The following SBNO1 variants were observed in gnomAD, a reference collection of about 807,000 sequenced individuals.
The protein encoded by SBNO1 is protein strawberry notch homolog 1.
SBNO1 carries 23 observed loss-of-function variants against 173.6 expected under a neutral mutation model. The ratio of observed to expected loss-of-function variants is 0.13; its 90% CI spans 0.10 to 0.19. SBNO1 has a LOEUF of 0.19. SBNO1 is among the 10% of genes least tolerant of loss of function. The probability of loss-of-function intolerance (pLI) is 1.00; values close to 1 mark genes in which losing one functional copy is unlikely to be tolerated. For synonymous variants in SBNO1, 632 were observed against 571.5 expected, an observed-to-expected ratio of 1.11 and a Z score of -1.51; for missense variants, 1,238 against 1,671.2, an observed-to-expected ratio of 0.74 and a Z score of 4.52.
chr12:123,348,184 T>A (rs762631808), intron 2 of SBNO1, 51 bp from the exon 3 acceptor site: 3 of 1,029,312 alleles, frequency 2.9e-6, no homozygotes, highest in Non-Finnish European at 3.0e-6. Flanking sequence ...CAGTAAATTC[T>A]GTTTCAAGGA....
rs1869152167 is a variant in SBNO1 at position 123,315,408 on chromosome 12, A to G, written c.3085T>C (p.Ser1029Pro). Residue 1029 changes from serine to proline, a missense_variant, in exon 23 of 32, where the codon TCT becomes CCT. Ser to Pro is a moderately conservative substitution (Grantham distance 74). Coordinates refer to ENST00000602398, the MANE Select transcript of SBNO1 (RefSeq NM_001167856.3). ...LTHGDRRATE[S>P]RDLSRFNFDN... is the part of the protein sequence containing the mutation. ...AAGTTGAACCTGCTCAGATCTCTAG[A>G]TTCTGTTGCCCTTCTATCACCATGT... The G allele has an allele frequency of 6.2e-7, 1 of 1,613,262 alleles. No homozygotes were observed. Among genetic ancestry groups the G allele is most frequent in the Admixed American group, 1.7e-5 (1 of 60,004 alleles).
At chr12:123,362,997 C>T (rs1393206803) in intron 1 of SBNO1, among the ~76,000 whole-genome samples, 1 of 152,000 alleles carries the variant, frequency 6.6e-6, no homozygotes, top group Non-Finnish European at 1.5e-5. Flanking sequence ...TGAAGTGGGA[C>T]GATCGCTTGA....
chr12:123,294,634 C>CATAAAAAAAAAAAAAAAAAAAAAAAAAA lies in SBNO1; in HGVS notation c.*1273_*1274insTTTTTTTTTTTTTTTTTTTTTTTTTTAT, dbSNP rs2048559869. The CATAAAAAAAAAAAAAAAAAAAAAAAAAA allele has an allele frequency of 1.7e-5, 1 of 59,958 alleles. No individual in the cohort carries two copies. The highest frequency in any genetic ancestry group is 8.2e-5 in the African/African-American group (1 of 12,268). The allele number at this position is 59,958 out of a possible 1,614,324, so 3.7% of individuals were successfully genotyped here. On this transcript the variant is annotated 3_prime_UTR_variant, in exon 32 of 32. Transcript: ENST00000602398. ...TTTTCAATAGTGCAACCTGTGGAAGCAAAAAAAAAAAAAAAAAAAAAAAAA... is the reference window on the plus strand; with the variant it reads ...TTTTCAATAGTGCAACCTGTGGAAGCATAAAAAAAAAAAAAAAAAAAAAAAAAAAAAAAAAAAAAAAAAAAAAAAAAAA...
chr12:123,327,781 C>CAT lies in SBNO1; in HGVS notation c.1462_1463dup (p.Met488IlefsTer2). 1 of 1,613,854 alleles carries CAT rather than the reference C, an allele frequency of 6.2e-7. No individual in the cohort carries two copies. Among genetic ancestry groups the CAT allele is most frequent in the Non-Finnish European group, 8.5e-7 (1 of 1,179,924 alleles). ...CCTCACCCCATATGCCAAGACGGTT[C>CAT]ATATAGGCCATGTTGCGTGGTTCAG... On this transcript the variant is annotated frameshift_variant, in exon 12 of 32. Transcript: ENST00000602398. LOFTEE classifies it high-confidence loss of function.
At position 123,295,857 on chromosome 12, in the gene SBNO1, A is replaced by ATATG; in HGVS notation, c.*47_*50dup. 6.3e-7 allele frequency: 1 copy of ATATG among 1,584,494 alleles called. No individual in the cohort carries two copies. The highest frequency in any genetic ancestry group is 1.4e-5 in the African/African-American group (1 of 73,988). On this transcript the variant is annotated 3_prime_UTR_variant, in exon 32 of 32. Transcript: ENST00000602398. ...ACTGTCCCTGATTTTTATGCAAATGATATGCTTCAACAGCATTTCAGATCC... is the reference window on the plus strand; with the variant it reads ...ACTGTCCCTGATTTTTATGCAAATGATATGTATGCTTCAACAGCATTTCAGATCC...
At chr12:123,339,248 G>C (rs909160390) in intron 5 of SBNO1, among the ~76,000 whole-genome samples, 1 of 151,874 alleles carries the variant, frequency 6.6e-6, no homozygotes, top group African/African-American at 2.4e-5. Context: ...TTTTGGTATC[G>C]TTATGTACAG....
chr12:123,309,183 T>C (rs1470676422), intron 28 of SBNO1, 127 bp downstream of exon 28: 7 of 690,724 alleles, frequency 1.0e-5, no homozygotes, highest in South Asian at 1.8e-5. Flanking sequence ...ACAATTACAA[T>C]GATAAATTAC....
chr12:123,311,257 C>T, intron 24 of SBNO1, 128 bp from the exon 25 acceptor site: 1 of 671,602 alleles, frequency 1.5e-6, no homozygotes, highest in South Asian at 1.8e-5. Flanking sequence ...TTTATATAAA[C>T]ATGGAGAAAA....
rs1874793378 is a variant in SBNO1 at position 123,358,935 on chromosome 12, GGTTTT to G, written c.-1+5761_-1+5765del. The stretch of plus-strand genomic sequence containing the variant: ...GGTGTCAAATCAATTTGGTGTATCA[GGTTTT>G]GTTTTGTTTTGAGATGGACTCTTGC... On this transcript the variant is annotated intron_variant, in intron 1 of 31. Coordinates refer to ENST00000602398, the MANE Select transcript of SBNO1 (RefSeq NM_001167856.3). Among the ~76,000 whole-genome samples, 7 of 151,670 alleles carry G rather than the reference GGTTTT, an allele frequency of 4.6e-5. No homozygotes were observed. The South Asian group carries it at 1.3e-3, about 27-fold the overall frequency.
chr12:123,330,016 A>G (rs550003953), intron 9 of SBNO1, among the ~76,000 whole-genome samples: 6 of 152,344 alleles, frequency 3.9e-5, no homozygotes, highest in South Asian at 2.1e-4. Flanking sequence ...TGCCCAAGCC[A>G]TAACTATCTA....
intron 28 of SBNO1, 82 bp downstream of exon 28, chr12:123,309,228 G>T: frequency 1.0e-6 from 1 of 987,526 alleles, no homozygotes; most frequent in Non-Finnish European, 1.6e-6. Flanking sequence ...CTGGGAAACA[G>T]GTACAAAGTG....
chr12:123,348,846 G>C (rs1007371364), intron 2 of SBNO1, among the ~76,000 whole-genome samples: 2 of 151,902 alleles, frequency 1.3e-5, no homozygotes, highest in African/African-American at 4.8e-5. Context: ...TGTAATCCCA[G>C]CTACTCGGGA....
intron 8 of SBNO1, 86 bp from the exon 9 acceptor site, chr12:123,330,595 CACTTA>C (rs1871096469): frequency 4.0e-6 from 2 of 497,002 alleles, no homozygotes; most frequent in South Asian, 4.7e-5. Context: ...CAGGTCTTGA[CACTTA>C]AAAAAAAAAA....
intron 20 of SBNO1, among the ~76,000 whole-genome samples, chr12:123,318,810 G>A (rs1293623429): frequency 6.6e-6 from 1 of 151,380 alleles, no homozygotes; most frequent in Non-Finnish European, 1.5e-5. Flanking sequence ...AATGTAATCT[G>A]TAAGCCATTT....
rs894382643 is a variant in SBNO1 at position 123,298,050 on chromosome 12, C to T, written c.3967G>A (p.Ala1323Thr). Residue 1323 changes from alanine to threonine, a missense_variant, in exon 31 of 32, where the codon GCA becomes ACA. Transcript: ENST00000602398. ...TTCACGTTTGTGCCACTGACAGATG[C>T]TAGAACACCCTCAACTTTTGTCCAG... Reference protein sequence around the residue: ...SVWTKVEGVLASVSGTNVKMQ... With the variant: ...SVWTKVEGVLTSVSGTNVKMQ... 1 of 1,614,016 alleles carries T rather than the reference C, an allele frequency of 6.2e-7. No homozygotes were observed. Among genetic ancestry groups the T allele is most frequent in the South Asian group, 1.1e-5 (1 of 91,048 alleles).
At chr12:123,323,937 C>T (rs1160914583) in intron 15 of SBNO1, 106 bp from the exon 16 acceptor site, 33 of 822,158 alleles carry the variant, frequency 4.0e-5, no homozygotes, top group Non-Finnish European at 5.5e-5. Context: ...TTACAAAATA[C>T]TGATAAACGA....
chr12:123,311,991 T>C (rs150097391), intron 24 of SBNO1, among the ~76,000 whole-genome samples: 252 of 146,726 alleles, frequency 1.7e-3, no homozygotes, highest in African/African-American at 6.2e-3. Flanking sequence ...CCACCTGCCT[T>C]GGCCTCCCAA....
At chr12:123,347,295 C>T (rs1049963572) in intron 3 of SBNO1, among the ~76,000 whole-genome samples, 3 of 151,670 alleles carry the variant, frequency 2.0e-5, no homozygotes, top group East Asian at 2.0e-4. Flanking sequence ...GGTCCCATCT[C>T]GGCTCACTGC....
chr12:123,329,244 C>T (rs547120478), intron 9 of SBNO1, among the ~76,000 whole-genome samples: 6 of 152,024 alleles, frequency 3.9e-5, no homozygotes, highest in African/African-American at 1.4e-4. Context: ...AGCCAGGCAT[C>T]GTGGTGCGTG....
Sources: gnomAD v4.1 joint callset for allele counts (sites outside exome capture counted in the v4.1 genomes callset) on GRCh38, gnomAD v4.1.1 for gene constraint, MANE v1.5 for transcripts, NCBI Gene and HGNC (gene_info 2026-07-23, HGNC 2026-07-21) for gene names.